Variants in GRID2 observed in about 807,000 individuals in gnomAD.
GRID2 encodes glutamate ionotropic receptor delta type subunit 2, also known as glutamate receptor ionotropic, delta-2.
A neutral mutation model predicts 114.8 loss-of-function variants in GRID2; 33 were observed. The ratio of observed to expected loss-of-function variants is 0.29; its 90% CI spans 0.22 to 0.38. The LOEUF (loss-of-function observed/expected upper bound fraction) is 0.38, where lower values mean the gene tolerates loss of function less well. Among genes scored for constraint, GRID2 ranks in the 10% least tolerant of loss-of-function variants. GRID2 has a pLI of 1.00. For missense variants in GRID2, 1,184 were observed against 1,257.7 expected, an observed-to-expected ratio of 0.94 and a Z score of 0.89; for synonymous variants, 505 against 449.9, an observed-to-expected ratio of 1.12 and a Z score of -1.55.
At chr4:93,266,113 T>C (rs1191496084) in intron 8 of GRID2, among the ~76,000 whole-genome samples, 3 of 152,062 alleles carry the variant, frequency 2.0e-5, no homozygotes, top group Non-Finnish European at 4.4e-5. Context: ...ATTCATGTAA[T>C]GTGCACATCT....
At chr4:93,763,963 G>A (rs1733423604) in intron 14 of GRID2, among the ~76,000 whole-genome samples, 1 of 152,148 alleles carries the variant, frequency 6.6e-6, no homozygotes, top group African/African-American at 2.4e-5. Context: ...TATTGACAGC[G>A]ATGGTATTTA....
At chr4:92,681,562 G>A (rs1272340215) in intron 2 of GRID2, among the ~76,000 whole-genome samples, 1 of 151,988 alleles carries the variant, frequency 6.6e-6, no homozygotes, top group Admixed American at 6.6e-5. Flanking sequence ...AAGGGGGAGG[G>A]ATAGCATTAA....
At chr4:92,540,654 A>G (rs1210010290) in intron 1 of GRID2, among the ~76,000 whole-genome samples, 3 of 152,182 alleles carry the variant, frequency 2.0e-5, no homozygotes, top group Non-Finnish European at 4.4e-5. Context: ...CAGGTGCTGG[A>G]GAGGATGTGG....
intron 2 of GRID2, among the ~76,000 whole-genome samples, chr4:92,904,460 C>T (rs1747807187): frequency 2.0e-5 from 3 of 151,810 alleles, no homozygotes; most frequent in South Asian, 4.1e-4. Context: ...CAGAAGTGTA[C>T]TGTGAGTTTG....
At chr4:92,576,477 A>G (rs1054993141) in intron 1 of GRID2, among the ~76,000 whole-genome samples, 3 of 152,134 alleles carry the variant, frequency 2.0e-5, no homozygotes, top group Non-Finnish European at 4.4e-5. Flanking sequence ...TTGGGCCTGA[A>G]GACTGGCACT....
At chr4:93,663,213 A>G (rs1183830553) in intron 14 of GRID2, among the ~76,000 whole-genome samples, 2 of 152,194 alleles carry the variant, frequency 1.3e-5, no homozygotes, top group African/African-American at 2.4e-5. Flanking sequence ...ATCATCATCA[A>G]TGAGAACTTC....
chr4:92,979,586 A>AT (rs1754069210), intron 2 of GRID2, among the ~76,000 whole-genome samples: 1 of 152,108 alleles, frequency 6.6e-6, no homozygotes, highest in Non-Finnish European at 1.5e-5. Flanking sequence ...GCAAGGTGTG[A>AT]TTTTGCCTTC....
intron 14 of GRID2, among the ~76,000 whole-genome samples, chr4:93,650,377 G>T (rs1722480450): frequency 6.9e-6 from 1 of 145,812 alleles, no homozygotes; most frequent in African/African-American, 2.5e-5. Flanking sequence ...AAAAAGCATA[G>T]ATTTTTTTTT....
At chr4:92,954,037 C>G (rs1405479110) in intron 2 of GRID2, among the ~76,000 whole-genome samples, 1 of 152,064 alleles carries the variant, frequency 6.6e-6, no homozygotes, top group Non-Finnish European at 1.5e-5. Flanking sequence ...ACAGTTTTCT[C>G]ATTGGTTTAA....
At chr4:93,358,419 A>G (rs1039762918) in intron 8 of GRID2, among the ~76,000 whole-genome samples, 1 of 151,944 alleles carries the variant, frequency 6.6e-6, no homozygotes, top group African/African-American at 2.4e-5. Flanking sequence ...TTAAACAAAT[A>G]AACAAATTGT....
chr4:93,196,217 TG>T (rs890513092), intron 4 of GRID2, among the ~76,000 whole-genome samples: 23 of 152,258 alleles, frequency 1.5e-4, no homozygotes, highest in African/African-American at 5.1e-4. Flanking sequence ...TGCCTTTTTA[TG>T]GAAGAAACTA....
chr4:93,490,246 ATTTAT>A (rs1726851148), intron 11 of GRID2, among the ~76,000 whole-genome samples: 1 of 151,924 alleles, frequency 6.6e-6, no homozygotes, highest in Non-Finnish European at 1.5e-5. Flanking sequence ...TTTCAATATT[ATTTAT>A]TTAACTGGAA....
intron 2 of GRID2, among the ~76,000 whole-genome samples, chr4:92,663,308 A>G (rs187922133): frequency 2.0e-5 from 3 of 151,188 alleles, no homozygotes; most frequent in Admixed American, 6.6e-5. Flanking sequence ...GAAAAATAAA[A>G]TGGGCTTCAA....
At chr4:93,427,387 A>G (rs1378276213) in intron 10 of GRID2, among the ~76,000 whole-genome samples, 1 of 152,020 alleles carries the variant, frequency 6.6e-6, no homozygotes, top group Non-Finnish European at 1.5e-5. Context: ...ATCTAAGTAT[A>G]TTTTAAATAA....
intron 13 of GRID2, among the ~76,000 whole-genome samples, chr4:93,578,045 T>A (rs1046670367): frequency 1.3e-5 from 2 of 152,178 alleles, no homozygotes; most frequent in Admixed American, 6.5e-5. Flanking sequence ...GCAGGTTTCA[T>A]TTGAGGGTGG....
intron 2 of GRID2, among the ~76,000 whole-genome samples, chr4:92,789,232 A>C (rs1420203405): frequency 3.3e-5 from 5 of 150,992 alleles, no homozygotes; most frequent in Non-Finnish European, 3.0e-5. Context: ...TTGCTCTTCA[A>C]ATCTACACTT....
intron 8 of GRID2, among the ~76,000 whole-genome samples, chr4:93,345,401 T>C (rs567725623): frequency 6.6e-6 from 1 of 152,220 alleles, no homozygotes; most frequent in African/African-American, 2.4e-5. Flanking sequence ...ATATTAATGA[T>C]GTTGAGCGTT....
intron 10 of GRID2, among the ~76,000 whole-genome samples, chr4:93,434,605 T>C (rs1430771327): frequency 2.0e-5 from 3 of 152,158 alleles, no homozygotes. Context: ...CTCCACTCAC[T>C]ATCTTGTTCC....
intron 14 of GRID2, among the ~76,000 whole-genome samples, chr4:93,656,644 C>G (rs1723017736): frequency 6.6e-6 from 1 of 150,422 alleles, no homozygotes; most frequent in Non-Finnish European, 1.5e-5. Flanking sequence ...TCCTGGCTAA[C>G]ACGGTGAAAC....
Sources: gnomAD v4.1 joint callset for allele counts (sites outside exome capture counted in the v4.1 genomes callset) on GRCh38, gnomAD v4.1.1 for gene constraint, MANE v1.5 for transcripts, NCBI Gene and HGNC (gene_info 2026-07-23, HGNC 2026-07-21) for gene names.